The following SPEN variants were observed in gnomAD, a reference collection of about 807,000 sequenced individuals.
SPEN encodes spen family transcriptional repressor, also known as msx2-interacting protein.
In SPEN, 18 loss-of-function variants were observed where a neutral mutation model predicts 269.9. That is an observed-to-expected ratio of 0.07 (90% CI 0.05 to 0.10). The LOEUF (loss-of-function observed/expected upper bound fraction) is 0.10. SPEN is among the 10% of genes least tolerant of loss of function. The pLI is 1.00. For synonymous variants in SPEN, 1,726 were observed against 1,765.7 expected, an observed-to-expected ratio of 0.98 and a Z score of 0.56; for missense variants, 3,822 against 4,631.2, an observed-to-expected ratio of 0.83 and a Z score of 5.07.
intron 7 of SPEN, 145 bp downstream of exon 7, chr1:15,919,196 T>C: frequency 2.6e-6 from 2 of 763,812 alleles, no homozygotes; most frequent in South Asian, 1.9e-5. Flanking sequence ...TTTGCATTCC[T>C]ATCCTATTAT....
intron 2 of SPEN, chr1:15,874,244 T>C: frequency 7.3e-7 from 1 of 1,366,564 alleles, no homozygotes; most frequent in South Asian, 1.1e-5. Context: ...ATTTTTTTTT[T>C]CTTGTGGTTC....
intron 3 of SPEN, among the ~76,000 whole-genome samples, chr1:15,905,795 G>C (rs2070950239): frequency 1.3e-5 from 2 of 151,036 alleles, no homozygotes; most frequent in African/African-American, 4.9e-5. Flanking sequence ...GGATGGTCTT[G>C]ATCTCTTGAC....
intron 1 of SPEN, among the ~76,000 whole-genome samples, chr1:15,864,058 A>T (rs1343606676): frequency 6.6e-6 from 1 of 152,198 alleles, no homozygotes; most frequent in Admixed American, 6.5e-5. Flanking sequence ...TATGTAAGTG[A>T]AATAAGCCAG....
chr1:15,924,539 C>T (rs1224549349), intron 10 of SPEN, among the ~76,000 whole-genome samples: 4 of 152,136 alleles, frequency 2.6e-5, no homozygotes, highest in African/African-American at 9.7e-5. Context: ...TGGCTTACCG[C>T]AACCTCTGCC....
intron 5 of SPEN, among the ~76,000 whole-genome samples, chr1:15,915,640 T>C (rs998791233): frequency 6.6e-6 from 1 of 152,214 alleles, no homozygotes; most frequent in Non-Finnish European, 1.5e-5. Flanking sequence ...TCTCATGCTA[T>C]TCTCCCACCT....
Position 15,930,256 on chromosome 1 carries a change from G to T in SPEN, c.4016G>T (p.Arg1339Leu). Residue 1339 changes from arginine to leucine, a missense_variant, in exon 11 of 15, where the codon CGT becomes CTT. Physicochemically the swap from Arg to Leu is moderately radical, Grantham distance 102 (BLOSUM62 -2). Coordinates refer to ENST00000375759, the MANE Select transcript of SPEN (RefSeq NM_015001.3). This position sits in a 1 kb window ranked among gnomAD's most constrained non-coding sequence, Gnocchi z 5.3. Reference protein sequence around the residue: ...SVLNSEDELNRWDSQMKQDAG... With the variant: ...SVLNSEDELNLWDSQMKQDAG... ...TTGAATTCTGAAGATGAACTAAATC[G>T]TTGGGACTCTCAGATGAAACAGGAT... 1.2e-6 allele frequency: 2 copies of T among 1,614,154 alleles called. No individual in the cohort carries two copies. Among genetic ancestry groups the T allele is most frequent in the Non-Finnish European group, 1.7e-6 (2 of 1,180,024 alleles).
Position 15,932,782 on chromosome 1 carries a change from T to C in SPEN, c.6542T>C (p.Leu2181Pro). 6.2e-7 allele frequency: 1 copy of C among 1,614,104 alleles called. No individual in the cohort carries two copies. Among genetic ancestry groups the C allele is most frequent in the Non-Finnish European group, 8.5e-7 (1 of 1,180,018 alleles). Residue 2181 changes from leucine (L) to proline (P), a missense_variant, in exon 11 of 15, where the codon CTC becomes CCC. Physicochemically the swap from Leu to Pro is moderately conservative, Grantham distance 98. Around this residue, in one of 16 missense-constraint regions of SPEN, gnomAD observed 727 missense variants for 737.9 expected, o/e 0.99. Coordinates refer to ENST00000375759, the MANE Select transcript of SPEN (RefSeq NM_015001.3). This position sits in a 1 kb window ranked among gnomAD's most constrained non-coding sequence, Gnocchi z 4.2. The stretch of plus-strand genomic sequence containing the variant: ...CAGGCCGTGGAACACATCGCAAAGC[T>C]CGCTGAGGCCTCTGCCTCTGCTGCC... ...LEQAVEHIAKLAEASASAAYK... is the reference protein window; with the variant it reads ...LEQAVEHIAKPAEASASAAYK...
intron 2 of SPEN, among the ~76,000 whole-genome samples, chr1:15,874,978 T>G (rs1449156069): frequency 2.0e-5 from 3 of 152,130 alleles, no homozygotes; most frequent in African/African-American, 7.2e-5. Flanking sequence ...TATTAATTGT[T>G]ATAAGATTTT....
chr1:15,904,060 A>G (rs1423814483), intron 3 of SPEN, among the ~76,000 whole-genome samples: 1 of 152,228 alleles, frequency 6.6e-6, no homozygotes, highest in Non-Finnish European at 1.5e-5. Context: ...CAAGAATTCC[A>G]GGCATTTGGG....
chr1:15,859,905 C>CTTTTTTTTTTTTTTTTTTTTTTTTT (rs34195453), intron 1 of SPEN, among the ~76,000 whole-genome samples: 1 of 79,620 alleles, frequency 1.3e-5, no homozygotes, highest in African/African-American at 5.3e-5. Flanking sequence ...CAGTTAACAT[C>CTTTTTTTTTTTTTTTTTTTTTTTTT]TTTTTTTTTT....
chr1:15,860,547 C>T (rs912607202), intron 1 of SPEN, among the ~76,000 whole-genome samples: 29 of 151,654 alleles, frequency 1.9e-4, no homozygotes, highest in Admixed American at 1.6e-3. Context: ...CCGCCTCAGC[C>T]TCCCGAAGTG....
At position 15,929,808 on chromosome 1, in the gene SPEN, GAGA is replaced by G; in HGVS notation, c.3571_3573del (p.Lys1191del). On this transcript the variant is annotated inframe_deletion, in exon 11 of 15. Transcript: ENST00000375759. This position sits in a 1 kb window ranked among gnomAD's most constrained non-coding sequence, Gnocchi z 5.8. ...GATGGAAATGGAAATAGCCAAGTCT[GAGA>G]AGTTTGGCAGTCCTAAAAAAGATGT... 3.7e-6 allele frequency: 6 copies of G among 1,614,164 alleles called. No individual in the cohort carries two copies. The highest frequency in any genetic ancestry group is 5.1e-6 in the Non-Finnish European group (6 of 1,180,038).
chr1:15,904,467 A>AAAAAAAAAAAAAAAAAAAT (rs1428603280), intron 3 of SPEN, among the ~76,000 whole-genome samples: 1 of 149,722 alleles, frequency 6.7e-6, no homozygotes, highest in African/African-American at 2.4e-5. Flanking sequence ...AAAAAAAAAA[A>AAAAAAAAAAAAAAAAAAAT]AAAAAAAAAA....
intron 5 of SPEN, among the ~76,000 whole-genome samples, chr1:15,913,337 A>G (rs776285541): frequency 1.1e-4 from 17 of 152,210 alleles, no homozygotes; most frequent in Admixed American, 5.9e-4. Context: ...GTGTGTAGGC[A>G]TTAAGACTTT....
At chr1:15,856,100 C>G (rs797014706) in intron 1 of SPEN, among the ~76,000 whole-genome samples, 3 of 142,400 alleles carry the variant, frequency 2.1e-5, no homozygotes, top group African/African-American at 5.2e-5. Flanking sequence ...TCACACCATT[C>G]TGCGTCAGCC....
rs554854270 is a variant in SPEN, at chr1:15,899,603, C to T, written c.882-9718C>T. On this transcript the variant is annotated intron_variant, in intron 3 of 14. Transcript: ENST00000375759. ...TTTATGCTGAACTCGAACTCCTGGG[C>T]TCATGCTGTCCTTCTGCCTCAGGCT... Among the ~76,000 whole-genome samples the T allele has an allele frequency of 4.5e-5, 6 of 133,986 alleles. No homozygotes were observed. The South Asian group carries it at 1.0e-3, about 22-fold the overall frequency. 87.9% of individuals were successfully genotyped at this position (133,986 alleles called of 152,430 possible). A position where few individuals can be genotyped will look rare whatever the true frequency, so the allele number is the denominator to read the frequency against.
At chr1:15,859,358 C>CTTTTTTT (rs143092339) in intron 1 of SPEN, among the ~76,000 whole-genome samples, 24 of 115,602 alleles carry the variant, frequency 2.1e-4, no homozygotes, top group African/African-American at 7.4e-4. Flanking sequence ...TTTTTCTTTT[C>CTTTTTTT]TTTTTTTTTT....
rs148438631 is a variant in SPEN, at chr1:15,914,548, C to T, written c.1244-1580C>T. 4.9e-3 allele frequency among the ~76,000 whole-genome samples: 751 copies of T among 152,292 alleles called. 6 individuals carry two copies. The highest frequency in any genetic ancestry group is 0.017 in the African/African-American group (715 of 41,562). Reference sequence around the variant, plus strand: ...TTGACCATAAAAAATAGAGGCTGGACGTCGTGGCTCACACCTGTAATCTCA... The same window carrying T: ...TTGACCATAAAAAATAGAGGCTGGATGTCGTGGCTCACACCTGTAATCTCA... On this transcript the variant is annotated intron_variant, in intron 5 of 14. Coordinates refer to ENST00000375759, the MANE Select transcript of SPEN (RefSeq NM_015001.3).
rs1029648779 is a variant in SPEN at position 15,914,643 on chromosome 1, C to T, written c.1244-1485C>T. Among the ~76,000 whole-genome samples the T allele has an allele frequency of 1.4e-4, 21 of 152,028 alleles. No individual in the cohort carries two copies. In the South Asian group the frequency reaches 3.9e-3, roughly 29 times the overall value. On this transcript the variant is annotated intron_variant, in intron 5 of 14. Coordinates refer to ENST00000375759, the MANE Select transcript of SPEN (RefSeq NM_015001.3). Reference sequence around the variant, plus strand: ...TTCGAGAGTAGCCTGCCCAACATGGCGAAACCCCGTCTCTACTAAAAATAC... The same window carrying T: ...TTCGAGAGTAGCCTGCCCAACATGGTGAAACCCCGTCTCTACTAAAAATAC...
Sources: allele counts gnomAD v4.1 joint callset (sites outside exome capture counted in the v4.1 genomes callset), GRCh38; gene constraint gnomAD v4.1.1; regional missense constraint gnomAD v4.1.1; non-coding constraint Gnocchi (gnomAD v3.1); transcripts MANE v1.5; gene names NCBI Gene and HGNC (gene_info 2026-07-23, HGNC 2026-07-21).